LEKR1: variants seen among roughly 807,000 people sequenced by gnomAD.
LEKR1 encodes protein LEKR1.
LEKR1 carries 59 observed loss-of-function variants against 72.4 expected under a neutral mutation model. The ratio of observed to expected loss-of-function variants is 0.82; its 90% CI spans 0.66 to 1.01. The LOEUF is 1.01. Ranked by LOEUF, LEKR1 falls within the 50% of genes least tolerant of loss-of-function variation. LEKR1 has a pLI of 0.00. For missense variants in LEKR1, 728 were observed against 759.2 expected (o/e 0.96, Z 0.48); for synonymous variants, 257 against 263.2 (o/e 0.98, Z 0.23).
chr3:157,005,272 G>A (rs1232992442), intron 9 of LEKR1, among the ~76,000 whole-genome samples: 1 of 152,024 alleles, frequency 6.6e-6, no homozygotes, highest in East Asian at 1.9e-4. Context: ...TGGATAACAT[G>A]AATAGTTCTG....
chr3:156,878,329 A>G (rs1669158219), intron 3 of LEKR1, among the ~76,000 whole-genome samples: 1 of 152,086 alleles, frequency 6.6e-6, no homozygotes, highest in Admixed American at 6.6e-5. Context: ...CTGTTTCATT[A>G]TTATCAATCA....
intron 12 of LEKR1, among the ~76,000 whole-genome samples, chr3:157,035,793 G>T (rs1734928826): frequency 6.6e-6 from 1 of 152,146 alleles, no homozygotes; most frequent in Non-Finnish European, 1.5e-5. Context: ...CAGCTACTTG[G>T]GAGGCTGAGG....
chr3:156,929,541 C>T (rs1219843088), intron 5 of LEKR1, among the ~76,000 whole-genome samples: 1 of 152,060 alleles, frequency 6.6e-6, no homozygotes, highest in African/African-American at 2.4e-5. Flanking sequence ...AAACTGCTAG[C>T]ACAAATTCCA....
At chr3:156,908,157 C>T (rs1476564382) in intron 3 of LEKR1, among the ~76,000 whole-genome samples, 1 of 152,114 alleles carries the variant, frequency 6.6e-6, no homozygotes, top group Admixed American at 6.5e-5. Flanking sequence ...TAACCTTAAT[C>T]ACGTGGCTAA....
At chr3:156,975,078 T>C (rs1285540602) in intron 6 of LEKR1, among the ~76,000 whole-genome samples, 2 of 152,142 alleles carry the variant, frequency 1.3e-5, no homozygotes, top group African/African-American at 4.8e-5. Flanking sequence ...AATTTAATTA[T>C]CAGAACAGTC....
intron 3 of LEKR1, among the ~76,000 whole-genome samples, chr3:156,892,309 G>A (rs1312047240): frequency 6.6e-6 from 1 of 152,114 alleles, no homozygotes; most frequent in Non-Finnish European, 1.5e-5. Context: ...CTGAAGGAGA[G>A]GACTCAATGG....
rs145920471 is a variant in LEKR1 at position 157,001,509 on chromosome 3, C to T, written c.1109+8232C>T. Reference sequence around the variant, plus strand: ...AACTGCAATTAAGGGAATCTGGATTCGCATGTACATAAGAAATAAGATTCT... The same window carrying T: ...AACTGCAATTAAGGGAATCTGGATTTGCATGTACATAAGAAATAAGATTCT... On this transcript the variant is annotated intron_variant, in intron 9 of 12. Transcript: ENST00000356539. Among the ~76,000 whole-genome samples the T allele has an allele frequency of 2.0e-3, 299 of 152,246 alleles. 3 individuals carry two copies. Among genetic ancestry groups the T allele is most frequent in the African/African-American group, 6.7e-3 (279 of 41,546 alleles).
At chr3:156,912,330 C>T (rs1005904430) in intron 3 of LEKR1, among the ~76,000 whole-genome samples, 1 of 152,092 alleles carries the variant, frequency 6.6e-6, no homozygotes, top group African/African-American at 2.4e-5. Flanking sequence ...GTTTTCTAGC[C>T]ACTGGGATAA....
At chr3:156,937,268 C>A (rs1010815556) in intron 5 of LEKR1, among the ~76,000 whole-genome samples, 1 of 151,982 alleles carries the variant, frequency 6.6e-6, no homozygotes, top group Non-Finnish European at 1.5e-5. Flanking sequence ...AAAATACTTG[C>A]AAATCACATA....
At chr3:156,851,658 A>G (rs1395562517) in intron 2 of LEKR1, among the ~76,000 whole-genome samples, 4 of 152,130 alleles carry the variant, frequency 2.6e-5, no homozygotes, top group Admixed American at 6.6e-5. Context: ...AAAGGAGCCA[A>G]ATTTTACTTT....
At chr3:157,038,868 A>C (rs1406788001) in intron 12 of LEKR1, among the ~76,000 whole-genome samples, 2 of 152,206 alleles carry the variant, frequency 1.3e-5, no homozygotes, top group Non-Finnish European at 2.9e-5. Context: ...GTTCACATGA[A>C]ATAGAATAAA....
At chr3:157,034,430 G>C (rs1734826121) in intron 12 of LEKR1, among the ~76,000 whole-genome samples, 1 of 152,172 alleles carries the variant, frequency 6.6e-6, no homozygotes, top group Admixed American at 6.6e-5. Flanking sequence ...GACTTTGAAG[G>C]TTTAAAACTT....
intron 6 of LEKR1, among the ~76,000 whole-genome samples, chr3:156,955,607 T>A (rs1727553470): frequency 6.6e-6 from 1 of 152,086 alleles, no homozygotes. Flanking sequence ...GATCATCATG[T>A]GGTTTTTGTC....
At chr3:156,970,023 A>C (rs1432910234) in intron 6 of LEKR1, among the ~76,000 whole-genome samples, 1 of 152,250 alleles carries the variant, frequency 6.6e-6, no homozygotes, top group Non-Finnish European at 1.5e-5. Context: ...GACAAAAACC[A>C]TATGATTATC....
intron 6 of LEKR1, among the ~76,000 whole-genome samples, chr3:156,971,595 A>T (rs1385804118): frequency 6.6e-6 from 1 of 152,210 alleles, no homozygotes; most frequent in Non-Finnish European, 1.5e-5. Context: ...TACTCATCTG[A>T]CAAAGGGCTA....
chr3:156,862,288 C>CT (rs1716859872), intron 3 of LEKR1, among the ~76,000 whole-genome samples: 1 of 151,988 alleles, frequency 6.6e-6, no homozygotes, highest in African/African-American at 2.4e-5. Context: ...TTCTATTCAC[C>CT]TTTCCACTTT....
intron 3 of LEKR1, among the ~76,000 whole-genome samples, chr3:156,916,117 A>G (rs1456958912): frequency 2.6e-5 from 4 of 151,862 alleles, no homozygotes; most frequent in South Asian, 4.2e-4. Flanking sequence ...TCATTGATCT[A>G]TGTCTCTGTT....
chr3:157,023,391 T>A (rs1482486714), intron 10 of LEKR1, among the ~76,000 whole-genome samples: 1 of 152,166 alleles, frequency 6.6e-6, no homozygotes, highest in Admixed American at 6.5e-5. Context: ...TTGGCTCAAC[T>A]ACAGGAAAAA....
chr3:157,020,296 A>G (rs918352753), intron 10 of LEKR1, among the ~76,000 whole-genome samples: 6 of 104,146 alleles, frequency 5.8e-5, no homozygotes, highest in Non-Finnish European at 1.2e-4. Context: ...TTATTATTAT[A>G]CTTTAAGTTT....
Sources: allele counts gnomAD v4.1 joint callset (sites outside exome capture counted in the v4.1 genomes callset), GRCh38; gene constraint gnomAD v4.1.1; transcripts MANE v1.5; gene names NCBI Gene and HGNC (gene_info 2026-07-23, HGNC 2026-07-21).